The following ITGA11 variants were observed in gnomAD, a reference collection of about 807,000 sequenced individuals.
ITGA11 encodes the protein integrin alpha-11.
Under a neutral mutation model 141.9 loss-of-function variants are expected in ITGA11, and 97 were observed. The ratio of observed to expected loss-of-function variants is 0.68; its 90% CI spans 0.58 to 0.81. The LOEUF (loss-of-function observed/expected upper bound fraction) is 0.81, where lower values mean the gene tolerates loss of function less well. Among genes scored for constraint, ITGA11 ranks in the 30% least tolerant of loss-of-function variants. ITGA11 has a pLI of 0.00. For missense variants in ITGA11, 1,387 were observed against 1,559.2 expected (o/e 0.89, Z 1.86); for synonymous variants, 658 against 624.6 (o/e 1.05, Z -0.80).
At chr15:68,369,873 CT>C (rs1187522201) in intron 2 of ITGA11, among the ~76,000 whole-genome samples, 1 of 152,194 alleles carries the variant, frequency 6.6e-6, no homozygotes, top group Non-Finnish European at 1.5e-5. Flanking sequence ...GAAAAAGTGT[CT>C]TTGCAGATGT....
chr15:68,410,005 C>T (rs975095573), intron 1 of ITGA11, among the ~76,000 whole-genome samples: 3 of 152,230 alleles, frequency 2.0e-5, no homozygotes, highest in Non-Finnish European at 4.4e-5. Flanking sequence ...TACACCTCTT[C>T]TTCTTCAGAC....
Position 68,328,351 on chromosome 15 carries a change from G to A in ITGA11, c.1902-89C>T. On this transcript the variant is annotated intron_variant, in intron 15 of 29. Transcript: ENST00000315757. This position sits in a 1 kb window ranked among gnomAD's most constrained non-coding sequence, Gnocchi z 4.8. ...GGGGAAAGACAAGAACCAGATGCGAGTGGGATCTGCAAAGCCACTGGAGGG... is the reference window on the plus strand; with the variant it reads ...GGGGAAAGACAAGAACCAGATGCGAATGGGATCTGCAAAGCCACTGGAGGG... 1.6e-6 allele frequency: 2 copies of A among 1,247,698 alleles called. No individual in the cohort carries two copies. Among genetic ancestry groups the A allele is most frequent in the East Asian group, 4.9e-5 (2 of 41,040 alleles). 77.3% of individuals were successfully genotyped at this position (1,247,698 alleles called of 1,614,324 possible).
chr15:68,396,263 C>G (rs1567156138), intron 2 of ITGA11, among the ~76,000 whole-genome samples: 1 of 151,822 alleles, frequency 6.6e-6, no homozygotes, highest in South Asian at 2.1e-4. Flanking sequence ...ATCAATCAAT[C>G]AATCAATCAA....
At chr15:68,388,920 T>G (rs1344049356) in intron 2 of ITGA11, among the ~76,000 whole-genome samples, 1 of 152,202 alleles carries the variant, frequency 6.6e-6, no homozygotes, top group Non-Finnish European at 1.5e-5. Context: ...GGTAGGATCA[T>G]CACTCTCCCA....
Position 68,301,054 on chromosome 15 carries a change from G to A in ITGA11, c.*2005C>T, listed in dbSNP as rs1771756460. On this transcript the variant is annotated 3_prime_UTR_variant, in exon 30 of 30. Transcript: ENST00000315757. The surrounding 1 kb of genome is among the most constrained non-coding windows in gnomAD (Gnocchi z 4.4). ...ATATGATTTAGCAACATTTCCTTCT[G>A]ATTCTATTAGAAGGCAATGGGTTTT... 1 of 152,168 alleles carries A rather than the reference G, an allele frequency of 6.6e-6. No homozygotes were observed. Among genetic ancestry groups the A allele is most frequent in the Non-Finnish European group, 1.5e-5 (1 of 68,030 alleles). The allele number at this position is 152,168 out of a possible 1,614,324, so 9.4% of individuals were successfully genotyped here. A position where few individuals can be genotyped will look rare whatever the true frequency, so the allele number is the denominator to read the frequency against.
At chr15:68,416,951 G>A (rs1462693401) in intron 1 of ITGA11, among the ~76,000 whole-genome samples, 1 of 152,126 alleles carries the variant, frequency 6.6e-6, no homozygotes, top group African/African-American at 2.4e-5. Flanking sequence ...AGTTTTTTAT[G>A]AAAACTAGTG....
Position 68,357,394 on chromosome 15 carries a change from T to G in ITGA11, c.601-95A>C, listed in dbSNP as rs920732798. 4.1e-6 allele frequency: 6 copies of G among 1,465,678 alleles called. No homozygotes were observed. In the Admixed American group the frequency reaches 6.3e-5, roughly 15 times the overall value. The allele number at this position is 1,465,678 out of a possible 1,614,324, so 90.8% of individuals were successfully genotyped here. ...TGAGGATCCCCGGGAGTTGTCTCTG[T>G]GTGATAATACAGGAGGGAGGAGGGC... On this transcript the variant is annotated intron_variant, in intron 6 of 29. Transcript: ENST00000315757.
chr15:68,332,096 G>A (rs1417203711), intron 13 of ITGA11, 34 bp from the exon 14 acceptor site: 3 of 1,540,024 alleles, frequency 1.9e-6, no homozygotes, highest in African/African-American at 2.7e-5. Flanking sequence ...GGCTGGGGAG[G>A]GTTTGGCAAA....
chr15:68,331,422 C>T (rs1389529416), intron 14 of ITGA11, among the ~76,000 whole-genome samples: 5 of 152,148 alleles, frequency 3.3e-5, no homozygotes, highest in Non-Finnish European at 1.5e-5. Context: ...TACTGATAAA[C>T]CGTGTGGGCA....
intron 20 of ITGA11, among the ~76,000 whole-genome samples, chr15:68,318,513 G>A (rs1055685666): frequency 3.3e-5 from 5 of 152,192 alleles, no homozygotes; most frequent in Non-Finnish European, 5.9e-5. Context: ...GTCACTCTGG[G>A]CAGTGGAGAG....
At chr15:68,399,866 G>A (rs1301562217) in intron 2 of ITGA11, among the ~76,000 whole-genome samples, 1 of 152,078 alleles carries the variant, frequency 6.6e-6, no homozygotes, top group Non-Finnish European at 1.5e-5. Context: ...CACTACCTGG[G>A]TGACGGGATC....
chr15:68,417,382 C>T (rs991672574), intron 1 of ITGA11, among the ~76,000 whole-genome samples: 5 of 152,208 alleles, frequency 3.3e-5, no homozygotes, highest in Admixed American at 2.6e-4. Flanking sequence ...TCTAGCCCTC[C>T]ATTCCTCTCC....
At chr15:68,360,488 C>T (rs2140346794) in intron 5 of ITGA11, among the ~76,000 whole-genome samples, 1 of 152,274 alleles carries the variant, frequency 6.6e-6, no homozygotes, top group South Asian at 2.1e-4. Flanking sequence ...CACTCACACG[C>T]ACGCATGCAC....
At chr15:68,409,780 TC>T in intron 1 of ITGA11, among the ~76,000 whole-genome samples, 1 of 152,306 alleles carries the variant, frequency 6.6e-6, no homozygotes, top group African/African-American at 2.4e-5. Context: ...ATTATCATTC[TC>T]ATTTTAAAGA....
intron 2 of ITGA11, among the ~76,000 whole-genome samples, chr15:68,401,574 G>A (rs1279716446): frequency 6.6e-6 from 1 of 152,114 alleles, no homozygotes; most frequent in Non-Finnish European, 1.5e-5. Flanking sequence ...AACCTCACAG[G>A]CGTAATGTTG....
At chr15:68,396,597 A>C (rs1896248004) in intron 2 of ITGA11, among the ~76,000 whole-genome samples, 1 of 151,246 alleles carries the variant, frequency 6.6e-6, no homozygotes, top group Non-Finnish European at 1.5e-5. Context: ...AAAATAAATA[A>C]AGGTAGGAAA....
At chr15:68,309,030 G>C (rs1015484074) in intron 26 of ITGA11, among the ~76,000 whole-genome samples, 7 of 152,230 alleles carry the variant, frequency 4.6e-5, no homozygotes, top group Non-Finnish European at 7.3e-5. Context: ...CTGCAGAAAA[G>C]AGCAGAACTT....
rs1422593311 is a variant in ITGA11, at chr15:68,307,431, A to G, written c.3298T>C (p.Ser1100Pro). The change falls in exon 28 of 30, where the codon TCC (serine) becomes CCC (proline). Residue 1100 changes from serine (S) to proline (P), a missense_variant. Ser to Pro is a moderately conservative substitution (Grantham distance 74, BLOSUM62 -1). Coordinates refer to ENST00000315757, the MANE Select transcript of ITGA11 (RefSeq NM_001004439.2). The surrounding 1 kb of genome is among the most constrained non-coding windows in gnomAD (Gnocchi z 6.1). The stretch of plus-strand genomic sequence containing the variant: ...GCTGCGTTGACCATGATTTTCATGG[A>G]TTTGTACTTGAGCTGTGCAATCAGA... ...LRSLKALKYK[S>P]MKIMVNAALQ... 1 of 1,556,490 alleles carries G rather than the reference A, an allele frequency of 6.4e-7. No individual in the cohort carries two copies. The highest frequency in any genetic ancestry group is 8.7e-7 in the Non-Finnish European group (1 of 1,149,240).
At chr15:68,364,678 G>GA in intron 4 of ITGA11, 29 bp downstream of exon 4, 1 of 1,508,126 alleles carries the variant, frequency 6.6e-7, no homozygotes, top group Non-Finnish European at 9.2e-7. Flanking sequence ...TGCCTCTCCT[G>GA]ACCCCAAGCA....
Sources: gnomAD v4.1 joint callset for allele counts (sites outside exome capture counted in the v4.1 genomes callset) on GRCh38, gnomAD v4.1.1 for gene constraint, Gnocchi (gnomAD v3.1) non-coding constraint, MANE v1.5 for transcripts, NCBI Gene and HGNC (gene_info 2026-07-23, HGNC 2026-07-21) for gene names.